Variants in ARHGEF3 observed in about 807,000 individuals in gnomAD.
The protein encoded by ARHGEF3 is 59.8 kDA protein.
A neutral mutation model predicts 63.2 loss-of-function variants in ARHGEF3; 28 were observed. The ratio of observed to expected loss-of-function variants is 0.44; its 90% CI spans 0.33 to 0.61. The LOEUF is 0.61. Ranked by LOEUF, ARHGEF3 falls within the 20% of genes least tolerant of loss-of-function variation. The pLI, the probability that ARHGEF3 is intolerant of heterozygous loss-of-function variation, is 0.03. For synonymous variants in ARHGEF3, 266 were observed against 254.2 expected (o/e 1.05, Z -0.44); for missense variants, 533 against 659.3 (o/e 0.81, Z 2.10).
intron 3 of ARHGEF3, among the ~76,000 whole-genome samples, chr3:56,945,194 T>C (rs1319549033): frequency 2.0e-5 from 3 of 152,142 alleles, no homozygotes; most frequent in East Asian, 3.9e-4. Context: ...GCATGAGTGA[T>C]GCAGAAGACG....
At chr3:57,030,573 T>C (rs1394067644) in intron 2 of ARHGEF3, among the ~76,000 whole-genome samples, 1 of 152,126 alleles carries the variant, frequency 6.6e-6, no homozygotes, top group Non-Finnish European at 1.5e-5. Context: ...ATCCAACCAT[T>C]TCACCACAGG....
chr3:56,900,933 C>A (rs1021732), intron 3 of ARHGEF3, among the ~76,000 whole-genome samples: 1 of 152,168 alleles, frequency 6.6e-6, no homozygotes, highest in African/African-American at 2.4e-5. Flanking sequence ...TGTAAACTGA[C>A]GGAGTTGGCC....
intron 4 of ARHGEF3, among the ~76,000 whole-genome samples, chr3:56,813,122 A>G (rs1428077596): frequency 1.3e-5 from 2 of 152,224 alleles, no homozygotes; most frequent in Non-Finnish European, 2.9e-5. Context: ...AAGGTAGGCA[A>G]TGAAAGAGTG....
intron 1 of ARHGEF3, among the ~76,000 whole-genome samples, chr3:56,794,434 G>A (rs1284941256): frequency 1.4e-5 from 2 of 147,392 alleles, no homozygotes; most frequent in Non-Finnish European, 3.0e-5. Context: ...GTTGCAATAA[G>A]CTGAGATCGC....
chr3:56,884,269 G>A (rs1486884889), intron 3 of ARHGEF3, among the ~76,000 whole-genome samples: 1 of 151,542 alleles, frequency 6.6e-6, no homozygotes, highest in East Asian at 1.9e-4. Flanking sequence ...CACAGTAGGT[G>A]CTCAAAACAT....
chr3:56,761,353 C>G (rs1429269055), intron 2 of ARHGEF3, among the ~76,000 whole-genome samples: 1 of 152,126 alleles, frequency 6.6e-6, no homozygotes, highest in Non-Finnish European at 1.5e-5. Context: ...AAGAAAAAAA[C>G]TCCAAGAGGA....
chr3:56,781,243 CTT>C (rs111752315), intron 1 of ARHGEF3, among the ~76,000 whole-genome samples: 126 of 142,924 alleles, frequency 8.8e-4, no homozygotes, highest in African/African-American at 3.0e-3. Context: ...TTTCTTTTGT[CTT>C]TTTTTTTTTT....
chr3:56,943,545 C>T (rs995271293), intron 3 of ARHGEF3, among the ~76,000 whole-genome samples: 2 of 152,190 alleles, frequency 1.3e-5, no homozygotes, highest in African/African-American at 4.8e-5. Flanking sequence ...TGTTTTCATG[C>T]CTGCTAACTC....
At chr3:56,999,911 T>A (rs182364786) in intron 2 of ARHGEF3, among the ~76,000 whole-genome samples, 2 of 152,338 alleles carry the variant, frequency 1.3e-5, no homozygotes, top group Non-Finnish European at 2.9e-5. Context: ...GAGATCACTA[T>A]GTAGGGAATG....
At chr3:56,793,588 T>G (rs2037203379) in intron 1 of ARHGEF3, among the ~76,000 whole-genome samples, 1 of 152,056 alleles carries the variant, frequency 6.6e-6, no homozygotes, top group African/African-American at 2.4e-5. Flanking sequence ...CAGGTGTGAG[T>G]CACCATGCCC....
chr3:56,930,646 T>C (rs11130557), intron 3 of ARHGEF3, among the ~76,000 whole-genome samples: 18,431 of 152,252 alleles, frequency 0.12, 1,345 homozygotes, highest in East Asian at 0.25. Context: ...AGTTTGGTAG[T>C]GGAAATATTT....
chr3:56,961,657 G>A (rs376569294), intron 2 of ARHGEF3, among the ~76,000 whole-genome samples: 5 of 152,220 alleles, frequency 3.3e-5, no homozygotes, highest in African/African-American at 7.2e-5. Context: ...GAGACCTACC[G>A]AGAGAAGGGC....
intron 2 of ARHGEF3, among the ~76,000 whole-genome samples, chr3:56,994,728 C>T (rs1050723923): frequency 1.3e-5 from 2 of 152,134 alleles, no homozygotes; most frequent in Non-Finnish European, 2.9e-5. Context: ...CACACTCCCC[C>T]GAATCCAGGA....
intron 2 of ARHGEF3, among the ~76,000 whole-genome samples, chr3:57,002,852 C>A (rs1702312199): frequency 6.7e-6 from 1 of 149,998 alleles, no homozygotes; most frequent in Non-Finnish European, 1.5e-5. Context: ...TGGCTCACTG[C>A]AACCTCCACC....
At position 56,773,768 on chromosome 3, in the gene ARHGEF3, C is replaced by T; in HGVS notation, c.145G>A (p.Ala49Thr). The change falls in exon 2 of 10, where the codon GCA becomes ACA. Residue 49 changes from alanine (A) to threonine (T), a missense_variant. Physicochemically the swap from Ala to Thr is moderately conservative, Grantham distance 58. Around this residue, in one of 4 missense-constraint regions of ARHGEF3, gnomAD observed 160 missense variants for 157.3 expected, o/e 1.02. Transcript: ENST00000296315. ...GCCTTCACGGGCGGGATGAGGTTTG[C>T]TAGCGACGTGACTCGGGAAAGGGGT... is the stretch of plus-strand genomic sequence containing the variant. ...VKPLSRVTSL[A>T]NLIPPVKATP... 6.2e-7 allele frequency: 1 copy of T among 1,601,448 alleles called. No homozygotes were observed. Among genetic ancestry groups the T allele is most frequent in the East Asian group, 2.3e-5 (1 of 44,262 alleles).
intron 4 of ARHGEF3, among the ~76,000 whole-genome samples, chr3:56,822,806 G>T (rs796217482): frequency 6.8e-6 from 1 of 147,434 alleles, no homozygotes; most frequent in Admixed American, 6.8e-5. Context: ...GTGAGCCGAG[G>T]TCATGCCACT....
chr3:56,969,954 T>G (rs911945793), intron 2 of ARHGEF3, among the ~76,000 whole-genome samples: 10 of 152,058 alleles, frequency 6.6e-5, no homozygotes, highest in African/African-American at 2.4e-4. Flanking sequence ...GGATACATAT[T>G]ATATGATTCC....
chr3:56,992,741 T>C (rs1336268953), intron 2 of ARHGEF3, among the ~76,000 whole-genome samples: 2 of 152,224 alleles, frequency 1.3e-5, no homozygotes, highest in African/African-American at 2.4e-5. Context: ...GCGCAGTCTG[T>C]GGCTTGGTCC....
At chr3:57,003,515 T>C (rs1331745847) in intron 2 of ARHGEF3, among the ~76,000 whole-genome samples, 4 of 151,892 alleles carry the variant, frequency 2.6e-5, no homozygotes, top group Admixed American at 2.6e-4. Flanking sequence ...GCTGTGAGCT[T>C]AGCACTACAG....
Sources: gnomAD v4.1 joint callset for allele counts (sites outside exome capture counted in the v4.1 genomes callset) on GRCh38, gnomAD v4.1.1 for gene constraint, gnomAD v4.1.1 regional missense constraint, MANE v1.5 for transcripts, NCBI Gene and HGNC (gene_info 2026-07-23, HGNC 2026-07-21) for gene names.